The following CDH13 variants were observed in gnomAD, a reference collection of about 807,000 sequenced individuals.
CDH13 encodes cadherin 13, also known as cadherin-13.
A neutral mutation model predicts 63.8 loss-of-function variants in CDH13; 24 were observed. The ratio of observed to expected loss-of-function variants is 0.38; its 90% CI spans 0.27 to 0.53. CDH13 has a LOEUF of 0.53. Ranked by LOEUF, CDH13 falls within the 20% of genes least tolerant of loss-of-function variation. The pLI is 0.85. For missense variants in CDH13, 1,049 were observed against 903.1 expected (o/e 1.16, Z -2.07); for synonymous variants, 503 against 355.3 (o/e 1.42, Z -4.67).
At chr16:82,736,677 T>C (rs1277055373) in intron 1 of CDH13, among the ~76,000 whole-genome samples, 1 of 152,250 alleles carries the variant, frequency 6.6e-6, no homozygotes, top group Non-Finnish European at 1.5e-5. Context: ...ATAATTTTTC[T>C]GATGTTTATC....
At chr16:83,179,486 A>AAAAAAAAAAAAAAAAAAAAC (rs2038260215) in intron 4 of CDH13, among the ~76,000 whole-genome samples, 1 of 146,096 alleles carries the variant, frequency 6.8e-6, no homozygotes, top group Non-Finnish European at 1.5e-5. Context: ...TCTACTAAAA[A>AAAAAAAAAAAAAAAAAAAAC]AAAAAAAAAA....
rs564483704 is a variant in CDH13 at position 83,102,364 on chromosome 16, G to A, written c.367-23021G>A. On this transcript the variant is annotated intron_variant, in intron 3 of 13. Coordinates refer to ENST00000567109, the MANE Select transcript of CDH13 (RefSeq NM_001257.5). Reference sequence around the variant, plus strand: ...TACAGCAATTCTGTGGCTATCTGGCGGAAGAGATACCCAGGCAGGGAGACC... The same window carrying A: ...TACAGCAATTCTGTGGCTATCTGGCAGAAGAGATACCCAGGCAGGGAGACC... 2.4e-4 allele frequency among the ~76,000 whole-genome samples: 37 copies of A among 152,296 alleles called. No individual in the cohort carries two copies. In the South Asian group the frequency reaches 3.3e-3, roughly 14 times the overall value.
chr16:83,563,726 C>G (rs2075745665), intron 7 of CDH13, among the ~76,000 whole-genome samples: 1 of 152,058 alleles, frequency 6.6e-6, no homozygotes, highest in African/African-American at 2.4e-5. Flanking sequence ...GAAAAACAGA[C>G]TCAGTAGTGT....
chr16:83,173,032 G>T (rs1030867060), intron 4 of CDH13, among the ~76,000 whole-genome samples: 1 of 152,098 alleles, frequency 6.6e-6, no homozygotes, highest in African/African-American at 2.4e-5. Context: ...ACTAGCCCTT[G>T]CTGGGAAAGG....
intron 5 of CDH13, among the ~76,000 whole-genome samples, chr16:83,241,716 T>C (rs1345824877): frequency 1.3e-5 from 2 of 152,178 alleles, no homozygotes; most frequent in Non-Finnish European, 2.9e-5. Context: ...GGAAGTTCTT[T>C]ATATTTTTCT....
At chr16:83,756,642 G>A (rs1913531140) in intron 11 of CDH13, among the ~76,000 whole-genome samples, 1 of 152,138 alleles carries the variant, frequency 6.6e-6, no homozygotes, top group African/African-American at 2.4e-5. Flanking sequence ...TGTGGCCCAG[G>A]GAAGCCAAAA....
At chr16:82,639,054 C>T (rs1055673247) in intron 1 of CDH13, among the ~76,000 whole-genome samples, 1 of 152,148 alleles carries the variant, frequency 6.6e-6, no homozygotes, top group Admixed American at 6.5e-5. Flanking sequence ...AGAACTGGGA[C>T]CAGGGTTTGG....
At chr16:82,646,038 A>T (rs1910053048) in intron 1 of CDH13, among the ~76,000 whole-genome samples, 3 of 152,194 alleles carry the variant, frequency 2.0e-5, no homozygotes, top group South Asian at 4.1e-4. Context: ...GACTTCACAA[A>T]GTCTGGGATC....
At chr16:83,698,773 C>T (rs1905769488) in intron 10 of CDH13, among the ~76,000 whole-genome samples, 1 of 152,234 alleles carries the variant, frequency 6.6e-6, no homozygotes. Context: ...TGGCAAGTTT[C>T]TTCTATAAAG....
At chr16:83,009,538 G>A (rs1404982368) in intron 2 of CDH13, among the ~76,000 whole-genome samples, 3 of 152,130 alleles carry the variant, frequency 2.0e-5, no homozygotes, top group Non-Finnish European at 4.4e-5. Context: ...TTGAGGATCA[G>A]AGATACCCTG....
rs138999408 is a variant in CDH13 at position 83,090,617 on chromosome 16, A to G, written c.367-34768A>G. 5.3e-3 allele frequency among the ~76,000 whole-genome samples: 801 copies of G among 151,988 alleles called. 5 individuals are homozygous for G. Among genetic ancestry groups the G allele is most frequent in the Non-Finnish European group, 8.2e-3 (558 of 67,992 alleles). On this transcript the variant is annotated intron_variant, in intron 3 of 13. Transcript: ENST00000567109. ...AAGTGCTTGTCTCTGCTCAAAGAGAAGTCAGAAATGGCAGCAACATTCCTA... is the reference window on the plus strand; with the variant it reads ...AAGTGCTTGTCTCTGCTCAAAGAGAGGTCAGAAATGGCAGCAACATTCCTA...
At chr16:83,322,515 C>T (rs1289099802) in intron 5 of CDH13, among the ~76,000 whole-genome samples, 3 of 152,122 alleles carry the variant, frequency 2.0e-5, no homozygotes, top group African/African-American at 7.2e-5. Context: ...ATACACTAGA[C>T]ACTGGGGAGA....
Position 83,303,739 on chromosome 16 carries a change from A to G in CDH13, c.637-41123A>G, listed in dbSNP as rs371519892. On this transcript the variant is annotated intron_variant, in intron 5 of 13. Coordinates refer to ENST00000567109, the MANE Select transcript of CDH13 (RefSeq NM_001257.5). ...GGAAGGTCAGAGAAACCTTGAGGCTACTGCTTCAGTTTAGCATATCTCAAA... is the reference window on the plus strand; with the variant it reads ...GGAAGGTCAGAGAAACCTTGAGGCTGCTGCTTCAGTTTAGCATATCTCAAA... Among the ~76,000 whole-genome samples the G allele has an allele frequency of 7.2e-5, 11 of 152,196 alleles. No homozygotes were observed. In the South Asian group the frequency reaches 1.7e-3, roughly 23 times the overall value.
intron 6 of CDH13, among the ~76,000 whole-genome samples, chr16:83,415,736 A>G (rs1323650957): frequency 2.6e-5 from 4 of 152,206 alleles, no homozygotes; most frequent in Non-Finnish European, 5.9e-5. Context: ...AAAACTAGGA[A>G]TAGAAGGAAA....
chr16:82,715,862 C>G (rs979504271), intron 1 of CDH13, among the ~76,000 whole-genome samples: 7 of 152,200 alleles, frequency 4.6e-5, no homozygotes, highest in African/African-American at 1.7e-4. Context: ...ACATACCTGA[C>G]TAGAAAATCC....
At chr16:83,085,312 C>T (rs1020895693) in intron 3 of CDH13, among the ~76,000 whole-genome samples, 24 of 152,060 alleles carry the variant, frequency 1.6e-4, no homozygotes, top group African/African-American at 5.6e-4. Context: ...GAAAGACCAG[C>T]CCCCAGGATT....
intron 10 of CDH13, among the ~76,000 whole-genome samples, chr16:83,694,432 G>T (rs936296598): frequency 6.6e-6 from 1 of 152,264 alleles, no homozygotes; most frequent in Non-Finnish European, 1.5e-5. Context: ...GATGATAAAG[G>T]ATGGGGAGCA....
At chr16:83,078,394 T>G (rs2033004079) in intron 3 of CDH13, among the ~76,000 whole-genome samples, 1 of 152,164 alleles carries the variant, frequency 6.6e-6, no homozygotes, top group South Asian at 2.1e-4. Context: ...ATCAGGCGTT[T>G]GTTAGATTCT....
intron 4 of CDH13, among the ~76,000 whole-genome samples, chr16:83,133,578 A>T (rs113184287): frequency 6.6e-6 from 1 of 152,152 alleles, no homozygotes; most frequent in Non-Finnish European, 1.5e-5. Context: ...TGCTCACTGC[A>T]ACCTCTGCCT....
Sources: allele counts gnomAD v4.1 joint callset (sites outside exome capture counted in the v4.1 genomes callset), GRCh38; gene constraint gnomAD v4.1.1; transcripts MANE v1.5; gene names NCBI Gene and HGNC (gene_info 2026-07-23, HGNC 2026-07-21).